Variants in HACD1 observed in about 807,000 individuals in gnomAD.
The protein encoded by HACD1 is 3-hydroxyacyl-CoA dehydratase 1.
HACD1 carries 41 observed loss-of-function variants against 32.0 expected under a neutral mutation model. The observed-to-expected ratio is 1.28, with a 90% confidence interval of 1.00 to 1.66. HACD1 has a LOEUF of 1.66. Ranked by LOEUF, HACD1 falls within the 40% of genes most tolerant of loss-of-function variation. HACD1 has a pLI of 0.00. For missense variants in HACD1, 396 were observed against 380.1 expected (o/e 1.04, Z -0.35); for synonymous variants, 142 against 139.0 (o/e 1.02, Z -0.15).
At chr10:17,606,007 T>C (rs959852529) in intron 1 of HACD1, among the ~76,000 whole-genome samples, 2 of 149,800 alleles carry the variant, frequency 1.3e-5, no homozygotes, top group Non-Finnish European at 3.0e-5. Context: ...CAAGATCCCG[T>C]CTCTACAAAA....
At chr10:17,594,159 T>G (rs202129665) in intron 6 of HACD1, 46 bp downstream of exon 6, 2 of 1,288,634 alleles carry the variant, frequency 1.6e-6, no homozygotes, top group African/African-American at 1.5e-5. Flanking sequence ...TTTCAAAAAT[T>G]TCCACATCAT....
intron 1 of HACD1, among the ~76,000 whole-genome samples, chr10:17,613,137 TGTGTG>T (rs782451834): frequency 0.067 from 9,481 of 141,244 alleles, 414 homozygotes; most frequent in East Asian, 0.14. Flanking sequence ...TGTGTGTGTG[TGTGTG>T]TGTGTTTTGT....
chr10:17,607,766 G>T (rs782732917), intron 1 of HACD1, among the ~76,000 whole-genome samples: 2 of 152,138 alleles, frequency 1.3e-5, no homozygotes, highest in Non-Finnish European at 2.9e-5. Flanking sequence ...AAATTGACAG[G>T]CTCAGGGATT....
intron 1 of HACD1, among the ~76,000 whole-genome samples, chr10:17,611,391 C>T (rs1459768824): frequency 1.3e-5 from 2 of 152,222 alleles, no homozygotes; most frequent in Non-Finnish European, 2.9e-5. Context: ...TACTTAAGTC[C>T]TTCACCGCTC....
chr10:17,603,773 G>A (rs782559002), intron 2 of HACD1, 29 bp from the exon 3 acceptor site: 21 of 1,579,854 alleles, frequency 1.3e-5, no homozygotes, highest in African/African-American at 1.1e-4. Context: ...AAATCATTAC[G>A]TCAATAATAG....
At chr10:17,613,389 C>T (rs909204128) in intron 1 of HACD1, among the ~76,000 whole-genome samples, 9 of 152,110 alleles carry the variant, frequency 5.9e-5, no homozygotes, top group Admixed American at 4.6e-4. Flanking sequence ...CCCTATAAAA[C>T]GTGTAAGTTC....
rs939132341 is a variant in HACD1, at chr10:17,590,189, A to C, written c.*175T>G. The C allele has an allele frequency of 5.0e-5, 21 of 421,542 alleles. No homozygotes were observed. Among genetic ancestry groups the C allele is most frequent in the Non-Finnish European group, 7.2e-5 (17 of 237,478 alleles). 26.1% of individuals were successfully genotyped at this position (421,542 alleles called of 1,614,324 possible). Reference sequence around the variant, plus strand: ...TGATATTTGCACAGTTCTTGTAAAAAATAGATCTGGCACAAGAGGAACACA... The same window carrying C: ...TGATATTTGCACAGTTCTTGTAAAACATAGATCTGGCACAAGAGGAACACA... On this transcript the variant is annotated 3_prime_UTR_variant, in exon 7 of 7. Coordinates refer to ENST00000361271, the MANE Select transcript of HACD1 (RefSeq NM_014241.4).
At chr10:17,595,918 C>A (rs992042407) in intron 5 of HACD1, among the ~76,000 whole-genome samples, 1 of 151,778 alleles carries the variant, frequency 6.6e-6, no homozygotes, top group African/African-American at 2.4e-5. Flanking sequence ...CCTAGGAGGT[C>A]AAGGGGGCAG....
chr10:17,610,302 T>C (rs1379925234), intron 1 of HACD1, among the ~76,000 whole-genome samples: 3 of 152,208 alleles, frequency 2.0e-5, no homozygotes, highest in Admixed American at 2.0e-4. Context: ...TCTTGTTCTA[T>C]TAAATCATAC....
chr10:17,617,350 C>A lies in HACD1; in HGVS notation c.-11G>T. On this transcript the variant is annotated 5_prime_UTR_variant, in exon 1 of 7. Coordinates refer to ENST00000361271, the MANE Select transcript of HACD1 (RefSeq NM_014241.4). ...CGTCAGGCGCCCCATGTGCAGCGCG[C>A]AGGGGGCTCGGCGCAGCCAGCTCTA... 1 of 1,365,070 alleles carries A rather than the reference C, an allele frequency of 7.3e-7. No homozygotes were observed. The highest frequency in any genetic ancestry group is 9.4e-7 in the Non-Finnish European group (1 of 1,065,278). The allele number at this position is 1,365,070 out of a possible 1,614,324, so 84.6% of individuals were successfully genotyped here. A position where few individuals can be genotyped will look rare whatever the true frequency, so the allele number is the denominator to read the frequency against.
At chr10:17,598,131 G>C (rs770122344) in intron 5 of HACD1, among the ~76,000 whole-genome samples, 3 of 151,686 alleles carry the variant, frequency 2.0e-5, no homozygotes, top group Non-Finnish European at 4.4e-5. Context: ...GTGGTGGCCT[G>C]CACCTGTACT....
At chr10:17,601,041 T>C (rs1834062846) in intron 4 of HACD1, among the ~76,000 whole-genome samples, 1 of 151,838 alleles carries the variant, frequency 6.6e-6, no homozygotes, top group African/African-American at 2.4e-5. Context: ...TTGTTCTTTT[T>C]TTTTTTTTTT....
intron 4 of HACD1, 116 bp downstream of exon 4, chr10:17,603,444 C>CTCCTT: frequency 1.0e-6 from 1 of 969,594 alleles, no homozygotes; most frequent in Non-Finnish European, 1.5e-6. Context: ...TCAAACCCAA[C>CTCCTT]TCCTTTTTGT....
At chr10:17,595,981 G>A (rs1833990793) in intron 5 of HACD1, among the ~76,000 whole-genome samples, 1 of 151,722 alleles carries the variant, frequency 6.6e-6, no homozygotes, top group African/African-American at 2.4e-5. Flanking sequence ...GCGAGACCCT[G>A]TCTCAAAAAA....
intron 1 of HACD1, among the ~76,000 whole-genome samples, chr10:17,610,999 CTTTTTTT>C (rs71393021): frequency 1.9e-5 from 2 of 103,016 alleles, no homozygotes; most frequent in African/African-American, 8.1e-5. Flanking sequence ...AGGTCCTCTT[CTTTTTTT>C]TTTTTTTTTT....
At chr10:17,599,108 C>G in intron 5 of HACD1, 182 bp downstream of exon 5, 2 of 1,117,824 alleles carry the variant, frequency 1.8e-6, no homozygotes, top group South Asian at 2.7e-5. Context: ...CGATTCCTCT[C>G]TCATCATTAA....
chr10:17,602,905 T>TC (rs1554816684), intron 4 of HACD1: 1 of 152,176 alleles, frequency 6.6e-6, no homozygotes, highest in Non-Finnish European at 1.5e-5. Flanking sequence ...TTTTTTTTTT[T>TC]CAGACGGAGT....
Position 17,593,250 on chromosome 10 carries a change from G to T in HACD1, c.784+955C>A, listed in dbSNP as rs545389503. Among the ~76,000 whole-genome samples, 19 of 152,054 alleles carry T rather than the reference G, an allele frequency of 1.2e-4. No individual in the cohort carries two copies. In the South Asian group the frequency reaches 3.9e-3, roughly 32 times the overall value. On this transcript the variant is annotated intron_variant, in intron 6 of 6. Coordinates refer to ENST00000361271, the MANE Select transcript of HACD1 (RefSeq NM_014241.4). ...GCATCTCCTTTAGATGAAATAATTTGTATCATGTCGATGTAGATTTTAGAG... is the reference window on the plus strand; with the variant it reads ...GCATCTCCTTTAGATGAAATAATTTTTATCATGTCGATGTAGATTTTAGAG...
At chr10:17,596,502 A>T (rs1339598837) in intron 5 of HACD1, among the ~76,000 whole-genome samples, 2 of 147,262 alleles carry the variant, frequency 1.4e-5, no homozygotes. Flanking sequence ...TTTTTTTGGC[A>T]GGATTGTTCT....
Sources: allele counts gnomAD v4.1 joint callset (sites outside exome capture counted in the v4.1 genomes callset), GRCh38; gene constraint gnomAD v4.1.1; transcripts MANE v1.5; gene names NCBI Gene and HGNC (gene_info 2026-07-23, HGNC 2026-07-21).